SLC17A1: variants seen among roughly 807,000 people sequenced by gnomAD.
SLC17A1 encodes the protein solute carrier family 17 member 1, also known as sodium-dependent phosphate transport protein 1.
A neutral mutation model predicts 53.5 loss-of-function variants in SLC17A1; 51 were observed. That is an observed-to-expected ratio of 0.95 (90% CI 0.76 to 1.20). The LOEUF (loss-of-function observed/expected upper bound fraction) is 1.20, where lower values mean the gene tolerates loss of function less well. SLC17A1 is among the 50% of genes most tolerant of loss of function. The probability of loss-of-function intolerance (pLI) is 0.00; values close to 1 mark genes in which losing one functional copy is unlikely to be tolerated. For synonymous variants in SLC17A1, 179 were observed against 198.8 expected, an observed-to-expected ratio of 0.90 and a Z score of 0.84; for missense variants, 538 against 568.2, an observed-to-expected ratio of 0.95 and a Z score of 0.54.
At chr6:25,731,758 G>T in the SLC17A1 span, 1 of 1,480,352 alleles carries the variant, frequency 6.8e-7, no homozygotes, top group Non-Finnish European at 9.2e-7. Context: ...GGTTTGTGGA[G>T]CTCATCTGCT....
At chr6:25,737,640 T>C in the SLC17A1 span, among the ~76,000 whole-genome samples, 2 of 152,086 alleles carry the variant, frequency 1.3e-5, no homozygotes, top group African/African-American at 4.8e-5. Flanking sequence ...ACCAGTAATA[T>C]ATGACCATCA....
At chr6:25,760,773 ATT>A in the SLC17A1 span, among the ~76,000 whole-genome samples, 1 of 151,828 alleles carries the variant, frequency 6.6e-6, no homozygotes, top group Non-Finnish European at 1.5e-5. Flanking sequence ...TTAATGCCTA[ATT>A]TTTTTTGTAT....
chr6:25,804,772 T>TA, intron 10 of SLC17A1, among the ~76,000 whole-genome samples: 1 of 151,896 alleles, frequency 6.6e-6, no homozygotes, highest in East Asian at 1.9e-4. Context: ...GCCACAACAG[T>TA]AAAAAAAGAC....
chr6:25,774,547 G>A, the SLC17A1 span, among the ~76,000 whole-genome samples: 1 of 152,186 alleles, frequency 6.6e-6, no homozygotes, highest in Non-Finnish European at 1.5e-5. Context: ...GTGGCTCTGG[G>A]TCTTTTCAAA....
intron 11 of SLC17A1, among the ~76,000 whole-genome samples, chr6:25,800,057 T>A (rs1314766514): frequency 6.6e-6 from 1 of 152,220 alleles, no homozygotes; most frequent in African/African-American, 2.4e-5. Flanking sequence ...GGAGGAATTA[T>A]CTACACACTA....
intron 3 of SLC17A1, among the ~76,000 whole-genome samples, chr6:25,823,900 A>G (rs1764650333): frequency 6.6e-6 from 1 of 151,920 alleles, no homozygotes; most frequent in Non-Finnish European, 1.5e-5. Flanking sequence ...CACTGTCGTT[A>G]TTACTATAAC....
chr6:25,798,169 T>C (rs1366675356), intron 12 of SLC17A1, among the ~76,000 whole-genome samples: 1 of 152,192 alleles, frequency 6.6e-6, no homozygotes, highest in East Asian at 1.9e-4. Flanking sequence ...GGTTGCAAAA[T>C]AAGGACATTC....
chr6:25,732,632 G>C, the SLC17A1 span: 19 of 1,203,402 alleles, frequency 1.6e-5, no homozygotes, highest in Admixed American at 5.4e-5. Context: ...TGGAGTTGGC[G>C]GGCAACGCCG....
the SLC17A1 span, chr6:25,776,823 C>G: frequency 6.2e-7 from 1 of 1,613,944 alleles, no homozygotes; most frequent in Non-Finnish European, 8.5e-7. Flanking sequence ...GGTTCTCTTC[C>G]CATCCGTGAT....
At chr6:25,760,655 C>T in the SLC17A1 span, among the ~76,000 whole-genome samples, 13 of 152,308 alleles carry the variant, frequency 8.5e-5, no homozygotes, top group Non-Finnish European at 1.9e-4. Flanking sequence ...ACTTTGCTGT[C>T]ATCCCTCATC....
intron 1 of SLC17A1, among the ~76,000 whole-genome samples, chr6:25,830,837 TA>T (rs1007798778): frequency 2.6e-5 from 4 of 152,168 alleles, no homozygotes; most frequent in Admixed American, 2.6e-4. Flanking sequence ...AACAAACAAA[TA>T]ACCCTGCCAA....
chr6:25,727,326 G>C, the SLC17A1 span: 1 of 1,540,538 alleles, frequency 6.5e-7, no homozygotes. Flanking sequence ...TAACCCAAAG[G>C]CTCTTTTCAG....
intron 12 of SLC17A1, among the ~76,000 whole-genome samples, chr6:25,788,135 C>T (rs1402264888): frequency 6.6e-6 from 1 of 152,160 alleles, no homozygotes; most frequent in Admixed American, 6.6e-5. Flanking sequence ...TAGCCAGACA[C>T]AGCCAGCTTT....
chr6:25,740,137 G>A, the SLC17A1 span, among the ~76,000 whole-genome samples: 1 of 152,070 alleles, frequency 6.6e-6, no homozygotes, highest in Admixed American at 6.5e-5. Context: ...TTAGTTACTA[G>A]GGAAAACAAA....
chr6:25,772,667 C>T, the SLC17A1 span, among the ~76,000 whole-genome samples: 2 of 152,094 alleles, frequency 1.3e-5, no homozygotes, highest in African/African-American at 4.8e-5. Context: ...TGTACTGCTG[C>T]TCACTCTTAT....
At chr6:25,824,057 A>G (rs1269199985) in intron 3 of SLC17A1, among the ~76,000 whole-genome samples, 4 of 152,030 alleles carry the variant, frequency 2.6e-5, no homozygotes, top group African/African-American at 9.6e-5. Flanking sequence ...ATGTAAAAAA[A>G]GATATTTAAT....
At chr6:25,766,688 C>A in the SLC17A1 span, among the ~76,000 whole-genome samples, 2 of 152,076 alleles carry the variant, frequency 1.3e-5, no homozygotes, top group Non-Finnish European at 2.9e-5. Context: ...ACACATAATC[C>A]CAGTCTAATC....
chr6:25,801,717 T>C (rs1763767401), intron 10 of SLC17A1, among the ~76,000 whole-genome samples: 1 of 152,238 alleles, frequency 6.6e-6, no homozygotes, highest in Non-Finnish European at 1.5e-5. Context: ...TCTTTTTTTC[T>C]GATCTTCTTA....
At chr6:25,789,108 A>T (rs1763447240) in intron 12 of SLC17A1, among the ~76,000 whole-genome samples, 1 of 152,138 alleles carries the variant, frequency 6.6e-6, no homozygotes, top group Non-Finnish European at 1.5e-5. Context: ...CTTGGTTTCT[A>T]AATACAATTC....
Sources: gnomAD v4.1 joint callset for allele counts (sites outside exome capture counted in the v4.1 genomes callset) on GRCh38, gnomAD v4.1.1 for gene constraint, MANE v1.5 for transcripts, NCBI Gene and HGNC (gene_info 2026-07-23, HGNC 2026-07-21) for gene names.